SGCZ: variants seen among roughly 807,000 people sequenced by gnomAD.
SGCZ encodes the protein zeta-sarcoglycan.
In SGCZ, 40 loss-of-function variants were observed where a neutral mutation model predicts 41.3. The ratio of observed to expected loss-of-function variants is 0.97; its 90% CI spans 0.75 to 1.26. The LOEUF (loss-of-function observed/expected upper bound fraction) is 1.26. Among genes scored for constraint, SGCZ ranks in the 50% most tolerant of loss-of-function variants. The pLI is 0.00. For synonymous variants in SGCZ, 206 were observed against 137.5 expected (o/e 1.50, Z -3.49); for missense variants, 552 against 369.8 (o/e 1.49, Z -4.04).
intron 2 of SGCZ, among the ~76,000 whole-genome samples, chr8:14,338,711 A>C (rs1190158555): frequency 6.6e-6 from 1 of 152,224 alleles, no homozygotes; most frequent in Non-Finnish European, 1.5e-5. Flanking sequence ...TATTTTTGAA[A>C]ACTTTCTTAT....
chr8:14,829,653 T>C (rs1288194159), intron 1 of SGCZ, among the ~76,000 whole-genome samples: 1 of 151,774 alleles, frequency 6.6e-6, no homozygotes, highest in Non-Finnish European at 1.5e-5. Context: ...TCAGCTACAA[T>C]ATACATTAGT....
chr8:14,799,156 G>T (rs1442103567), intron 1 of SGCZ, among the ~76,000 whole-genome samples: 1 of 151,818 alleles, frequency 6.6e-6, no homozygotes, highest in African/African-American at 2.4e-5. Context: ...ATGGAAAAAA[G>T]ATATAACAAT....
At chr8:14,183,210 T>C (rs1010500708) in intron 4 of SGCZ, among the ~76,000 whole-genome samples, 2 of 151,948 alleles carry the variant, frequency 1.3e-5, no homozygotes, top group Admixed American at 1.3e-4. Context: ...ATTGCCAAAT[T>C]GACTTAATCA....
chr8:15,065,552 C>A (rs915891927), intron 1 of SGCZ, among the ~76,000 whole-genome samples: 3 of 151,830 alleles, frequency 2.0e-5, no homozygotes, highest in Non-Finnish European at 4.4e-5. Context: ...TCAAGCCAAC[C>A]TCCTACCTCA....
chr8:14,370,094 G>A (rs1308047460), intron 2 of SGCZ, among the ~76,000 whole-genome samples: 1 of 151,886 alleles, frequency 6.6e-6, no homozygotes, highest in Admixed American at 6.6e-5. Context: ...TGGATGTAGT[G>A]GTAAGATGAA....
At chr8:14,384,527 C>T (rs1030005857) in intron 2 of SGCZ, among the ~76,000 whole-genome samples, 3 of 152,018 alleles carry the variant, frequency 2.0e-5, no homozygotes, top group African/African-American at 7.2e-5. Context: ...AATCCTTTAG[C>T]TATGTCTAAT....
intron 1 of SGCZ, among the ~76,000 whole-genome samples, chr8:15,150,880 T>C (rs977535945): frequency 6.6e-6 from 1 of 152,232 alleles, no homozygotes. Context: ...GTCTCTAAAA[T>C]GGCCTCCAGT....
chr8:14,901,223 G>A lies in SGCZ; in HGVS notation c.39+336362C>T, dbSNP rs113743149. On this transcript the variant is annotated intron_variant, in intron 1 of 7. Coordinates refer to ENST00000382080, the MANE Select transcript of SGCZ (RefSeq NM_139167.4). ...ATTATCCTTAATGAACCCTAAATTAGGTGAGCACACTTAAGAAATAATTGC... is the reference window on the plus strand; with the variant it reads ...ATTATCCTTAATGAACCCTAAATTAAGTGAGCACACTTAAGAAATAATTGC... Among the ~76,000 whole-genome samples, 749 of 152,206 alleles carry A rather than the reference G, an allele frequency of 4.9e-3. 4 individuals are homozygous for A. The highest frequency in any genetic ancestry group is 0.017 in the African/African-American group (716 of 41,542).
At chr8:14,839,493 G>A (rs994430611) in intron 1 of SGCZ, among the ~76,000 whole-genome samples, 1 of 152,132 alleles carries the variant, frequency 6.6e-6, no homozygotes, top group African/African-American at 2.4e-5. Flanking sequence ...AAATTTGAGA[G>A]TTATTATTGT....
intron 1 of SGCZ, among the ~76,000 whole-genome samples, chr8:15,047,836 C>A (rs919289659): frequency 6.6e-5 from 10 of 151,936 alleles, no homozygotes; most frequent in African/African-American, 2.4e-4. Context: ...CAACAAACAA[C>A]AGATACTGGT....
chr8:14,186,459 A>G (rs1804904200), intron 4 of SGCZ, among the ~76,000 whole-genome samples: 4 of 152,202 alleles, frequency 2.6e-5, no homozygotes. Context: ...GGAGATGTCA[A>G]CATTTCTTAA....
chr8:14,742,845 A>C (rs2130285717), intron 1 of SGCZ, among the ~76,000 whole-genome samples: 1 of 152,216 alleles, frequency 6.6e-6, no homozygotes. Flanking sequence ...CCTTTATCAC[A>C]ATGTTGAATT....
At chr8:14,570,798 T>C (rs1453929130) in intron 1 of SGCZ, among the ~76,000 whole-genome samples, 5 of 152,178 alleles carry the variant, frequency 3.3e-5, no homozygotes, top group Non-Finnish European at 5.9e-5. Flanking sequence ...TGCCTCTTAT[T>C]TCCATAAGCT....
chr8:14,573,458 G>A (rs891248688), intron 1 of SGCZ, among the ~76,000 whole-genome samples: 2 of 151,960 alleles, frequency 1.3e-5, no homozygotes, highest in African/African-American at 4.8e-5. Context: ...AAAGTGCTGG[G>A]ATTACAGGCA....
rs1008632236 is a variant in SGCZ at position 14,795,839 on chromosome 8, C to T, written c.40-240913G>A. On this transcript the variant is annotated intron_variant, in intron 1 of 7. Coordinates refer to ENST00000382080, the MANE Select transcript of SGCZ (RefSeq NM_139167.4). ...CTTCCTCCTCCCACCCTCCACCCTC[C>T]GAAAGATCCCAGTGTGTGTTGTTCC... Among the ~76,000 whole-genome samples the T allele has an allele frequency of 2.6e-5, 4 of 152,078 alleles. No individual in the cohort carries two copies. In the East Asian group the frequency reaches 7.7e-4, roughly 29 times the overall value.
At chr8:14,603,731 G>A (rs1019243187) in intron 1 of SGCZ, among the ~76,000 whole-genome samples, 4 of 151,882 alleles carry the variant, frequency 2.6e-5, no homozygotes, top group Non-Finnish European at 4.4e-5. Flanking sequence ...TTTTTCACAG[G>A]CTTTCAAGTA....
At chr8:15,089,856 G>A (rs771755047) in intron 1 of SGCZ, among the ~76,000 whole-genome samples, 8 of 152,162 alleles carry the variant, frequency 5.3e-5, no homozygotes, top group Non-Finnish European at 1.0e-4. Context: ...ACTGATGGAT[G>A]AACTTATTGC....
chr8:14,100,944 A>G (rs1325605946), intron 7 of SGCZ, among the ~76,000 whole-genome samples: 2 of 152,090 alleles, frequency 1.3e-5, no homozygotes, highest in African/African-American at 2.4e-5. Flanking sequence ...GAAGAAAATA[A>G]AACACCTAGG....
At position 14,607,312 on chromosome 8, in the gene SGCZ, T is replaced by G. The variant is rs118059314; in HGVS notation, c.40-52386A>C. ...GTTAATTATCCTTCAGATTGTACAT[T>G]TCCAATATTAATATTTTTATCACTG... On this transcript the variant is annotated intron_variant, in intron 1 of 7. Coordinates refer to ENST00000382080, the MANE Select transcript of SGCZ (RefSeq NM_139167.4). Among the ~76,000 whole-genome samples the G allele has an allele frequency of 7.5e-3, 1,141 of 152,308 alleles. 4 individuals carry two copies. The highest frequency in any genetic ancestry group is 0.015 in the South Asian group (71 of 4,826).
Sources: allele counts gnomAD v4.1 joint callset (sites outside exome capture counted in the v4.1 genomes callset), GRCh38; gene constraint gnomAD v4.1.1; transcripts MANE v1.5; gene names NCBI Gene and HGNC (gene_info 2026-07-23, HGNC 2026-07-21).